Variants in KCNK2 observed in about 807,000 individuals in gnomAD.
KCNK2 encodes potassium channel subfamily K member 2.
In KCNK2, 21 loss-of-function variants were observed where a neutral mutation model predicts 40.5. The ratio of observed to expected loss-of-function variants is 0.52; its 90% CI spans 0.37 to 0.75. The LOEUF (loss-of-function observed/expected upper bound fraction) is 0.75. Among genes scored for constraint, KCNK2 ranks in the 30% least tolerant of loss-of-function variants. The pLI is 0.00. For missense variants in KCNK2, 399 were observed against 531.6 expected (o/e 0.75, Z 2.45); for synonymous variants, 191 against 202.2 (o/e 0.94, Z 0.47).
rs867487497 is a variant in KCNK2 at position 215,127,280 on chromosome 1, A to G, written c.475+2530A>G. ...TTTCATCAATTTTTCTAAGAAACAG[A>G]CATGATCCTTACTATTCCTTGGAAA... On this transcript the variant is annotated intron_variant, in intron 3 of 6. Transcript: ENST00000444842. Among the ~76,000 whole-genome samples the G allele has an allele frequency of 4.6e-5, 7 of 152,302 alleles. 1 individual carries two copies. Among genetic ancestry groups the G allele is most frequent in the Middle Eastern group, 3.4e-3 (1 of 294 alleles).
chr1:215,087,022 G>A (rs1308953256), intron 2 of KCNK2, among the ~76,000 whole-genome samples: 1 of 152,198 alleles, frequency 6.6e-6, no homozygotes, highest in Non-Finnish European at 1.5e-5. Context: ...ACATCCATGG[G>A]GTTGGGGTTA....
At position 215,209,381 on chromosome 1, in the gene KCNK2, A is replaced by ATATATGCATATATTATATAT. The variant is rs1558139913; in HGVS notation, c.963+14289_963+14290insTATATGCATATATTATATAT. ...ATAATATATGCATATATTATATATA[A>ATATATGCATATATTATATAT]AATATATATATTATATATAAAATAT... On this transcript the variant is annotated intron_variant, in intron 6 of 6. Transcript: ENST00000444842. Among the ~76,000 whole-genome samples the ATATATGCATATATTATATAT allele has an allele frequency of 1.8e-4, 8 of 45,142 alleles. No individual in the cohort carries two copies. The East Asian group carries it at 5.8e-3, about 33-fold the overall frequency. 29.6% of individuals were successfully genotyped at this position (45,142 alleles called of 152,430 possible).
At chr1:215,008,537 T>A (rs1243234686) in intron 1 of KCNK2, among the ~76,000 whole-genome samples, 1 of 152,176 alleles carries the variant, frequency 6.6e-6, no homozygotes, top group East Asian at 1.9e-4. Context: ...AAGACTGTGG[T>A]TCCCCATATA....
At chr1:215,051,477 G>A (rs1657988559) in intron 1 of KCNK2, among the ~76,000 whole-genome samples, 2 of 152,242 alleles carry the variant, frequency 1.3e-5, no homozygotes, top group South Asian at 4.1e-4. Flanking sequence ...ATATTCAAAA[G>A]GGGAATGCCA....
chr1:215,017,935 G>A (rs753166666), intron 1 of KCNK2, among the ~76,000 whole-genome samples: 2 of 152,046 alleles, frequency 1.3e-5, no homozygotes, highest in Non-Finnish European at 2.9e-5. Context: ...TTCTCCTTGG[G>A]CAATTGATAA....
At chr1:215,089,147 C>T (rs1016445492) in intron 2 of KCNK2, among the ~76,000 whole-genome samples, 5 of 151,896 alleles carry the variant, frequency 3.3e-5, no homozygotes, top group African/African-American at 4.8e-5. Flanking sequence ...TTTTTTTTCA[C>T]ATTTATTTTC....
intron 1 of KCNK2, among the ~76,000 whole-genome samples, chr1:215,009,658 C>T (rs941369686): frequency 6.6e-6 from 1 of 151,838 alleles, no homozygotes; most frequent in Non-Finnish European, 1.5e-5. Context: ...TATGATTCAC[C>T]TGCTTCTCTA....
chr1:215,084,874 G>A (rs543337237), intron 1 of KCNK2, among the ~76,000 whole-genome samples: 1 of 152,326 alleles, frequency 6.6e-6, no homozygotes, highest in African/African-American at 2.4e-5. Flanking sequence ...TCCATTTGGA[G>A]CTTTGCTGAC....
chr1:215,125,227 T>A (rs4573492), intron 3 of KCNK2, among the ~76,000 whole-genome samples: 86,196 of 151,922 alleles, frequency 0.57, 26,414 homozygotes, highest in Non-Finnish European at 0.68. Flanking sequence ...GCTTTTTTTT[T>A]ATATACATTA....
chr1:215,017,540 G>A lies in KCNK2; in HGVS notation c.34+11585G>A, dbSNP rs566229437. Among the ~76,000 whole-genome samples the A allele has an allele frequency of 3.9e-5, 6 of 152,164 alleles. No individual in the cohort carries two copies. In the South Asian group the frequency reaches 6.2e-4, roughly 16 times the overall value. ...CTTATATGTGGAATCTCAAAACATTGAGCTCATAGAAGCAGAAAATAGAAT... is the reference window on the plus strand; with the variant it reads ...CTTATATGTGGAATCTCAAAACATTAAGCTCATAGAAGCAGAAAATAGAAT... On this transcript the variant is annotated intron_variant, in intron 1 of 6. Transcript: ENST00000391895.
intron 1 of KCNK2, among the ~76,000 whole-genome samples, chr1:215,057,621 A>T (rs1056279016): frequency 1.3e-5 from 2 of 152,190 alleles, no homozygotes; most frequent in African/African-American, 4.8e-5. Flanking sequence ...TAATAATAGA[A>T]AATTCCATAT....
chr1:215,210,295 A>G (rs913802201), intron 6 of KCNK2, among the ~76,000 whole-genome samples: 5 of 151,558 alleles, frequency 3.3e-5, no homozygotes, highest in African/African-American at 1.2e-4. Flanking sequence ...ACTTTGGTTT[A>G]ATAACTACTG....
chr1:215,005,819 T>C (rs1159183501), upstream of KCNK2: 7 of 990,762 alleles, frequency 7.1e-6, no homozygotes, highest in Non-Finnish European at 1.1e-5. Context: ...GATGGCTTGT[T>C]AGTACAAGTG....
At chr1:215,101,372 G>T (rs920415591) in intron 2 of KCNK2, among the ~76,000 whole-genome samples, 1 of 151,952 alleles carries the variant, frequency 6.6e-6, no homozygotes, top group Non-Finnish European at 1.5e-5. Flanking sequence ...TTTAGATGAG[G>T]TTTGGATGAG....
At chr1:215,136,765 T>C (rs1335362142) in intron 3 of KCNK2, among the ~76,000 whole-genome samples, 2 of 152,212 alleles carry the variant, frequency 1.3e-5, no homozygotes, top group African/African-American at 4.8e-5. Context: ...TTTTCACTCA[T>C]ATGACATTGG....
At chr1:215,049,696 A>C (rs1657914288) in intron 1 of KCNK2, among the ~76,000 whole-genome samples, 1 of 152,018 alleles carries the variant, frequency 6.6e-6, no homozygotes. Context: ...GATTTAGGTT[A>C]TTTATTTATT....
intron 6 of KCNK2, among the ~76,000 whole-genome samples, chr1:215,213,720 A>T (rs11120519): frequency 6.6e-5 from 10 of 151,938 alleles, no homozygotes; most frequent in African/African-American, 2.2e-4. Flanking sequence ...CTCATGAAAC[A>T]GTATTTCCTT....
At chr1:215,006,913 G>A (rs1361512096) in intron 1 of KCNK2, among the ~76,000 whole-genome samples, 1 of 146,062 alleles carries the variant, frequency 6.8e-6, no homozygotes, top group Middle Eastern at 3.4e-3. Context: ...CTGGCTAATT[G>A]CTATTCTTGG....
intron 5 of KCNK2, among the ~76,000 whole-genome samples, chr1:215,183,361 C>T (rs1425589636): frequency 6.6e-6 from 1 of 151,950 alleles, no homozygotes; most frequent in Non-Finnish European, 1.5e-5. Context: ...AGATATTTAC[C>T]CACTTAATTT....
Sources: gnomAD v4.1 joint callset for allele counts (sites outside exome capture counted in the v4.1 genomes callset) on GRCh38, gnomAD v4.1.1 for gene constraint, MANE v1.5 for transcripts, NCBI Gene and HGNC (gene_info 2026-07-23, HGNC 2026-07-21) for gene names.